The following DHRS4L2 variants were observed in gnomAD, a reference collection of about 807,000 sequenced individuals.
DHRS4L2 encodes the protein dehydrogenase/reductase SDR family member 4-like 2.
A neutral mutation model predicts 23.9 loss-of-function variants in DHRS4L2; 22 were observed. The ratio of observed to expected loss-of-function variants is 0.92; its 90% CI spans 0.66 to 1.31. The LOEUF is 1.31. Ranked by LOEUF, DHRS4L2 falls within the 40% of genes most tolerant of loss-of-function variation. The pLI is 0.00. For missense variants in DHRS4L2, 385 were observed against 303.3 expected (o/e 1.27, Z -2.00); for synonymous variants, 141 against 123.7 (o/e 1.14, Z -0.93).
chr14:23,996,082 A>G (rs1239623835), intron 3 of DHRS4L2, among the ~76,000 whole-genome samples: 1 of 151,702 alleles, frequency 6.6e-6, no homozygotes, highest in Non-Finnish European at 1.5e-5. Flanking sequence ...GACAGGAAGC[A>G]AGAGAGAGAT....
At chr14:23,984,464 T>C (rs2034105289), upstream of DHRS4L2, among the ~76,000 whole-genome samples, 2 of 151,322 alleles carry the variant, frequency 1.3e-5, no homozygotes, top group Non-Finnish European at 2.9e-5. Flanking sequence ...CAGACAGTGG[T>C]TGAGGTTGTC....
Position 23,993,955 on chromosome 14 carries a change from A to G in DHRS4L2, c.307-1077A>G, listed in dbSNP as rs184909793. 6.1e-4 allele frequency among the ~76,000 whole-genome samples: 92 copies of G among 151,646 alleles called. 2 individuals carry two copies. The highest frequency in any genetic ancestry group is 2.2e-3 in the African/African-American group (91 of 41,368). ...TACTGACTAGCTTTGTGCCCTGAAAAAATCACTTCACCCCTCCCAAACACA... is the reference window on the plus strand; with the variant it reads ...TACTGACTAGCTTTGTGCCCTGAAAGAATCACTTCACCCCTCCCAAACACA... On this transcript the variant is annotated intron_variant, in intron 2 of 7. Transcript: ENST00000335125.
rs1039606300 is a variant in DHRS4L2 at position 23,991,237 on chromosome 14, C to A, written c.306+878C>A. Among the ~76,000 whole-genome samples, 36 of 151,726 alleles carry A rather than the reference C, an allele frequency of 2.4e-4. 1 individual carries two copies. Among genetic ancestry groups the A allele is most frequent in the Non-Finnish European group, 4.7e-4 (32 of 67,908 alleles). On this transcript the variant is annotated intron_variant, in intron 2 of 7. Transcript: ENST00000335125. ...AATAGTAGACAGAATAGGGTAATTC[C>A]ATTTTTAAGGAACAGTCTGGCAGAC... is the stretch of plus-strand genomic sequence containing the variant.
At chr14:23,988,742 C>G, upstream of DHRS4L2, 1 of 1,367,580 alleles carries the variant, frequency 7.3e-7, no homozygotes, top group Non-Finnish European at 9.5e-7. Flanking sequence ...CCCGGGAAGG[C>G]AAGCCCCAGT....
chr14:23,970,682 C>A (rs1332974456), intron 1 of DHRS4L2, among the ~76,000 whole-genome samples: 7 of 152,044 alleles, frequency 4.6e-5, no homozygotes. Flanking sequence ...GGGTCCCTGA[C>A]CCCCATGTAG....
chr14:23,995,099 G>A lies in DHRS4L2; in HGVS notation c.374G>A (p.Ser125Asn), dbSNP rs141465413. The change falls in exon 3 of 8, where the codon AGC becomes AAC. Residue 125 changes from serine (S) to asparagine (N), a missense_variant. Ser to Asn is a conservative substitution (Grantham distance 46). Transcript: ENST00000335125. ...SNAAVNPFFG[S>N]LMDVTEEVWD... ...GCTGCTGTCAACCCTTTCTTTGGAA[G>A]CCTAATGGATGTCACCGAGGAGGTG... 172 of 1,612,748 alleles carry A rather than the reference G, an allele frequency of 1.1e-4. 2 individuals are homozygous for A. The highest frequency in any genetic ancestry group is 1.3e-4 in the Non-Finnish European group (159 of 1,179,404).
At chr14:24,001,572 C>T in intron 6 of DHRS4L2, 55 bp downstream of exon 6, 4 of 1,583,820 alleles carry the variant, frequency 2.5e-6, no homozygotes, top group Non-Finnish European at 3.4e-6. Context: ...CATCCATCTT[C>T]TTGGACAGGG....
chr14:23,976,390 C>A lies in DHRS4L2; in HGVS notation c.-176+6058C>A, dbSNP rs556945342. ...CACTGGTCATCAGAGAAATGCAAAG[C>A]AAAACCACAATGAGATACCATCTCA... On this transcript the variant is annotated intron_variant, in intron 1 of 5. Coordinates refer to the DHRS4L2 transcript ENST00000534993. Among the ~76,000 whole-genome samples, 522 of 151,932 alleles carry A rather than the reference C, an allele frequency of 3.4e-3. 11 individuals are homozygous for A. Among genetic ancestry groups the A allele is most frequent in the Non-Finnish European group, 5.0e-3 (339 of 67,916 alleles).
upstream of DHRS4L2, among the ~76,000 whole-genome samples, chr14:23,983,873 G>T (rs559462270): frequency 2.7e-4 from 41 of 151,496 alleles, no homozygotes; most frequent in South Asian, 3.6e-3. Flanking sequence ...ACACACCAGG[G>T]CCTGTTGGGT....
chr14:23,999,413 T>A lies in DHRS4L2; in HGVS notation c.409-1450T>A, dbSNP rs562209768. Among the ~76,000 whole-genome samples, 72 of 149,680 alleles carry A rather than the reference T, an allele frequency of 4.8e-4. 1 individual carries two copies. In the Middle Eastern group the frequency reaches 0.01, roughly 22 times the overall value. ...GCATAAGAAAATATGTGTCTATAAC[T>A]TTTCTTTTAATTTGTATATTTTTTA... is the stretch of plus-strand genomic sequence containing the variant. On this transcript the variant is annotated intron_variant, in intron 3 of 7. Transcript: ENST00000335125.
chr14:23,994,514 C>T (rs2034336757), intron 2 of DHRS4L2, among the ~76,000 whole-genome samples: 1 of 151,470 alleles, frequency 6.6e-6, no homozygotes, highest in Non-Finnish European at 1.5e-5. Flanking sequence ...ATGGCAAGAC[C>T]CTGTCTCTAC....
At chr14:24,004,306 A>G (rs750709792) in intron 6 of DHRS4L2, 31 bp from the exon 7 acceptor site, 1 of 1,560,512 alleles carries the variant, frequency 6.4e-7, no homozygotes, top group South Asian at 1.2e-5. Context: ...AAAGAAAAAA[A>G]AACATAAAGA....
chr14:23,993,451 GT>G (rs1465780119), intron 2 of DHRS4L2, among the ~76,000 whole-genome samples: 3 of 151,606 alleles, frequency 2.0e-5, no homozygotes, highest in African/African-American at 7.3e-5. Flanking sequence ...TACATTGTTA[GT>G]AACACCCCTC....
intron 1 of DHRS4L2, among the ~76,000 whole-genome samples, chr14:23,976,710 C>G (rs1237434055): frequency 2.0e-5 from 3 of 151,714 alleles, no homozygotes; most frequent in African/African-American, 7.3e-5. Context: ...AACCCAAATG[C>G]CCATCAATGA....
At chr14:23,974,573 A>T (rs113460087) in intron 1 of DHRS4L2, among the ~76,000 whole-genome samples, 137 of 152,014 alleles carry the variant, frequency 9.0e-4, no homozygotes, top group Middle Eastern at 3.4e-3. Context: ...GGATATCACC[A>T]GTGATCCCAC....
chr14:23,990,974 G>GA (rs2034257497), intron 2 of DHRS4L2: 2 of 784,522 alleles, frequency 2.5e-6, no homozygotes, highest in Non-Finnish European at 3.1e-6. Flanking sequence ...CAGTCTCAAA[G>GA]AAAGTACATA....
At chr14:23,991,199 G>A (rs147569309) in intron 2 of DHRS4L2, among the ~76,000 whole-genome samples, 1 of 151,728 alleles carries the variant, frequency 6.6e-6, no homozygotes, top group Admixed American at 6.6e-5. Context: ...CTTAGAAGAG[G>A]AGGATCTTAA....
intron 2 of DHRS4L2, among the ~76,000 whole-genome samples, chr14:23,991,752 T>C (rs2034274750): frequency 1.3e-5 from 2 of 150,320 alleles, no homozygotes; most frequent in South Asian, 4.3e-4. Flanking sequence ...TTTTTTTTTT[T>C]TGAGACAGAG....
intron 2 of DHRS4L2, among the ~76,000 whole-genome samples, chr14:23,991,925 G>A (rs80326273): frequency 0.082 from 12,322 of 151,106 alleles, 861 homozygotes; most frequent in East Asian, 0.23. Context: ...TAGTAGAGAC[G>A]GGGTTTCACC....
Sources: gnomAD v4.1 joint callset for allele counts (sites outside exome capture counted in the v4.1 genomes callset) on GRCh38, gnomAD v4.1.1 for gene constraint, MANE v1.5 for transcripts, NCBI Gene and HGNC (gene_info 2026-07-23, HGNC 2026-07-21) for gene names.